The following HERC4 variants were observed in gnomAD, a reference collection of about 807,000 sequenced individuals.
The protein encoded by HERC4 is HECT and RLD domain containing E3 ubiquitin protein ligase 4.
A neutral mutation model predicts 124.3 loss-of-function variants in HERC4; 28 were observed. The observed-to-expected ratio is 0.23, with a 90% confidence interval of 0.17 to 0.31. The LOEUF is 0.31. Among genes scored for constraint, HERC4 ranks in the 10% least tolerant of loss-of-function variants. The pLI, the probability that HERC4 is intolerant of heterozygous loss-of-function variation, is 1.00. For missense variants in HERC4, 713 were observed against 1,229.3 expected, an observed-to-expected ratio of 0.58 and a Z score of 6.28; for synonymous variants, 407 against 421.5, an observed-to-expected ratio of 0.97 and a Z score of 0.42.
intron 15 of HERC4, among the ~76,000 whole-genome samples, chr10:67,971,851 A>G (rs1219908207): frequency 5.3e-5 from 8 of 152,206 alleles, no homozygotes; most frequent in Non-Finnish European, 1.2e-4. Flanking sequence ...GAATCAATCT[A>G]TAAGAGAATT....
At chr10:67,936,108 T>G (rs779500365) in intron 22 of HERC4, 45 bp downstream of exon 22, 1 of 1,236,596 alleles carries the variant, frequency 8.1e-7, no homozygotes, top group South Asian at 1.4e-5. Context: ...AGAAAATGTC[T>G]ACTGAATCTT....
chr10:67,959,173 AAG>A, intron 16 of HERC4: 2 of 1,560,254 alleles, frequency 1.3e-6, no homozygotes, highest in Non-Finnish European at 1.7e-6. Context: ...ATAACGAGGA[AAG>A]AGCAATATTA....
intron 23 of HERC4, among the ~76,000 whole-genome samples, chr10:67,925,412 A>G (rs770194759): frequency 6.6e-5 from 10 of 152,236 alleles, no homozygotes; most frequent in Non-Finnish European, 1.2e-4. Flanking sequence ...TGATAGGATC[A>G]TACTATCATC....
intron 8 of HERC4, among the ~76,000 whole-genome samples, chr10:68,018,049 C>G (rs1322078923): frequency 1.3e-5 from 2 of 151,678 alleles, no homozygotes; most frequent in Non-Finnish European, 2.9e-5. Context: ...ACTAGAAAAC[C>G]TTCATAATAA....
chr10:67,927,366 A>C (rs2031103994), intron 23 of HERC4, among the ~76,000 whole-genome samples: 1 of 143,098 alleles, frequency 7.0e-6, no homozygotes, highest in Non-Finnish European at 1.5e-5. Context: ...CAAAGTGTTA[A>C]GAATAAATAC....
At chr10:68,007,702 C>CT (rs200480292) in intron 9 of HERC4, 14,075 of 145,230 alleles carry the variant, frequency 0.097, 854 homozygotes, top group Middle Eastern at 0.19. Flanking sequence ...CCCAGTAACA[C>CT]TTTTTTTTTT....
chr10:68,056,510 T>C (rs188993929), intron 3 of HERC4, among the ~76,000 whole-genome samples: 49 of 152,338 alleles, frequency 3.2e-4, no homozygotes, highest in African/African-American at 1.2e-3. Context: ...TATTAAGTTA[T>C]TGAATTCCAT....
chr10:68,004,883 C>G (rs985288649), intron 9 of HERC4, among the ~76,000 whole-genome samples: 1 of 152,130 alleles, frequency 6.6e-6, no homozygotes, highest in African/African-American at 2.4e-5. Flanking sequence ...CGGGTCTCTC[C>G]GTTGACACAT....
At chr10:68,010,166 C>T (rs1352496673) in intron 9 of HERC4, 17 of 984,208 alleles carry the variant, frequency 1.7e-5, no homozygotes, top group Non-Finnish European at 2.6e-5. Flanking sequence ...CTAGCTTCCG[C>T]CCTCTCCCTG....
chr10:68,049,612 A>AAC (rs1421264993), intron 3 of HERC4, among the ~76,000 whole-genome samples: 1 of 150,866 alleles, frequency 6.6e-6, no homozygotes, highest in Non-Finnish European at 1.5e-5. Flanking sequence ...AAAAAAAAAA[A>AAC]ACACTTTGGA....
chr10:67,978,552 C>T (rs963216173), intron 15 of HERC4, among the ~76,000 whole-genome samples: 1 of 152,198 alleles, frequency 6.6e-6, no homozygotes, highest in Admixed American at 6.5e-5. Context: ...CTAGCTGCCC[C>T]GAAGGGAAGG....
chr10:67,925,663 T>C (rs1034848666), intron 23 of HERC4, among the ~76,000 whole-genome samples: 2 of 152,104 alleles, frequency 1.3e-5, no homozygotes, highest in Non-Finnish European at 2.9e-5. Flanking sequence ...TGCCCGTGTG[T>C]ATAAGGATAC....
At chr10:68,051,605 C>T (rs1184932813) in intron 3 of HERC4, among the ~76,000 whole-genome samples, 1 of 151,710 alleles carries the variant, frequency 6.6e-6, no homozygotes, top group African/African-American at 2.4e-5. Context: ...GTGATCCGCC[C>T]GCCTCGGCCT....
chr10:67,938,811 G>A (rs2132110492), intron 21 of HERC4, among the ~76,000 whole-genome samples: 1 of 152,154 alleles, frequency 6.6e-6, no homozygotes, highest in Middle Eastern at 3.4e-3. Context: ...GGGTGTGGTG[G>A]CAGGCACCTG....
chr10:67,940,603 T>C lies in HERC4; in HGVS notation c.2504+336A>G, dbSNP rs555905720. 2.0e-5 allele frequency among the ~76,000 whole-genome samples: 3 copies of C among 152,056 alleles called. No individual in the cohort carries two copies. The South Asian group carries it at 6.2e-4, about 32-fold the overall frequency. On this transcript the variant is annotated intron_variant, in intron 20 of 24. Transcript: ENST00000373700. ...CCTGGCTAATTTTTGTATTTTAGTA[T>C]AGATGGGGTTTCGCCATGTTGGTCA... is the stretch of plus-strand genomic sequence containing the variant.
chr10:68,023,617 G>A (rs1312315826), intron 8 of HERC4, among the ~76,000 whole-genome samples: 4 of 152,166 alleles, frequency 2.6e-5, no homozygotes, highest in Non-Finnish European at 5.9e-5. Context: ...AAGAATTCTA[G>A]AGATGAATGG....
At chr10:67,925,482 AC>A (rs1461057879) in intron 23 of HERC4, among the ~76,000 whole-genome samples, 1 of 152,234 alleles carries the variant, frequency 6.6e-6, no homozygotes, top group East Asian at 1.9e-4. Context: ...CAAAAGTCTG[AC>A]ATGGAATTAT....
chr10:68,032,790 A>G lies in HERC4; in HGVS notation c.765T>C (p.Ala255=). The G allele has an allele frequency of 6.4e-7, 1 of 1,555,278 alleles. No homozygotes were observed. Among genetic ancestry groups the G allele is most frequent in the East Asian group, 2.2e-5 (1 of 44,482 alleles). The change falls in exon 7 of 25, where the codon GCT becomes GCC. Residue 255 remains alanine, a synonymous_variant. Transcript: ENST00000373700. ...AGAAGTACAATACCTTGGTTAGAGCAGCAGTATGATCTTCTCCACAACAAA... is the reference window on the plus strand; with the variant it reads ...AGAAGTACAATACCTTGGTTAGAGCGGCAGTATGATCTTCTCCACAACAAA... The part of the protein sequence containing the change: ...VYICCGEDHT[A]ALTKEGGVFT...
chr10:68,038,139 A>T lies in HERC4; in HGVS notation c.417T>A (p.Ile139=). ...GATAGTAACCACAAGCAACCTGTAC[A>T]ATCTGGATATCTGACAAACTTTTAA... ...RNIKSLSDIQ[I]VQVACGYYHS... Residue 139 remains isoleucine (I), a synonymous_variant, in exon 5 of 25, where the codon ATT becomes ATA. Transcript: ENST00000373700. The T allele has an allele frequency of 6.5e-7, 1 of 1,541,142 alleles. No individual in the cohort carries two copies. Among genetic ancestry groups the T allele is most frequent in the Non-Finnish European group, 8.7e-7 (1 of 1,147,770 alleles).
Sources: allele counts gnomAD v4.1 joint callset (sites outside exome capture counted in the v4.1 genomes callset), GRCh38; gene constraint gnomAD v4.1.1; transcripts MANE v1.5; gene names NCBI Gene and HGNC (gene_info 2026-07-23, HGNC 2026-07-21).